Variants in COL5A2 observed in about 807,000 individuals in gnomAD.
The protein encoded by COL5A2 is collagen alpha-2(V) chain.
In COL5A2, 23 loss-of-function variants were observed where a neutral mutation model predicts 208.2. That is an observed-to-expected ratio of 0.11 (90% confidence interval 0.08 to 0.16). The LOEUF (loss-of-function observed/expected upper bound fraction) is 0.16, where lower values mean the gene tolerates loss of function less well. Ranked by LOEUF, COL5A2 falls within the 10% of genes least tolerant of loss-of-function variation. The pLI is 1.00. For synonymous variants in COL5A2, 625 were observed against 628.5 expected, an observed-to-expected ratio of 0.99 and a Z score of 0.08; for missense variants, 1,590 against 1,956.4, an observed-to-expected ratio of 0.81 and a Z score of 3.53.
In COL5A2 at chr2:189,173,316, T is replaced by C. The variant is rs16831167; in HGVS notation, c.97+6192A>G. Among the ~76,000 whole-genome samples the C allele has an allele frequency of 3.5e-3, 530 of 152,280 alleles. 3 individuals are homozygous for C. Among genetic ancestry groups the C allele is most frequent in the African/African-American group, 0.012 (495 of 41,566 alleles). ...GGCAAGATTTAGATAGGAATAATCT[T>C]GCTTTATTGTAATTTCCCTTATACA... On this transcript the variant is annotated intron_variant, in intron 1 of 53. Coordinates refer to ENST00000374866, the MANE Select transcript of COL5A2 (RefSeq NM_000393.5).
the COL5A2 span, among the ~76,000 whole-genome samples, chr2:189,298,047 G>A: frequency 1.3e-5 from 2 of 152,092 alleles, no homozygotes; most frequent in African/African-American, 4.8e-5. Context: ...TAAATATGAG[G>A]ACAGAATTTG....
At chr2:189,273,700 G>T in the COL5A2 span, among the ~76,000 whole-genome samples, 11 of 152,120 alleles carry the variant, frequency 7.2e-5, no homozygotes, top group Non-Finnish European at 1.3e-4. Context: ...CCTGTCATTT[G>T]CAACAATACA....
At chr2:189,212,547 G>T (rs968003435) in intron 1 of COL5A2, among the ~76,000 whole-genome samples, 2 of 151,622 alleles carry the variant, frequency 1.3e-5, no homozygotes, top group Admixed American at 1.3e-4. Context: ...GCTGAGGCAG[G>T]AGAATTGCTT....
intron 33 of COL5A2, 114 bp downstream of exon 33, chr2:189,058,315 G>T (rs1292226350): frequency 1.4e-5 from 12 of 874,030 alleles, no homozygotes; most frequent in Non-Finnish European, 2.3e-5. Context: ...AGAAGAAAAT[G>T]ATATAATCAA....
the COL5A2 span, among the ~76,000 whole-genome samples, chr2:189,339,248 G>A: frequency 6.6e-6 from 1 of 151,916 alleles, no homozygotes; most frequent in African/African-American, 2.4e-5. Context: ...CTACTCAGGA[G>A]GCTGAGGCAT....
the COL5A2 span, among the ~76,000 whole-genome samples, chr2:189,378,818 T>C: frequency 6.6e-6 from 1 of 152,156 alleles, no homozygotes; most frequent in African/African-American, 2.4e-5. Flanking sequence ...AAAATTCTCA[T>C]TGTAACTTTG....
the COL5A2 span, among the ~76,000 whole-genome samples, chr2:189,405,288 G>C: frequency 6.6e-6 from 1 of 151,618 alleles, no homozygotes; most frequent in African/African-American, 2.4e-5. Context: ...CTGGAGTGCA[G>C]TGGCACAATC....
the COL5A2 span, among the ~76,000 whole-genome samples, chr2:189,242,524 C>T: frequency 6.6e-6 from 1 of 152,126 alleles, no homozygotes; most frequent in Non-Finnish European, 1.5e-5. Flanking sequence ...TCACTGTACT[C>T]ACCCAAGTCA....
intron 1 of COL5A2, among the ~76,000 whole-genome samples, chr2:189,139,820 AC>A (rs1241380067): frequency 1.3e-5 from 2 of 152,142 alleles, no homozygotes; most frequent in Non-Finnish European, 2.9e-5. Flanking sequence ...CACGCCTGTA[AC>A]CCCAACACTT....
At chr2:189,395,089 A>G in the COL5A2 span, among the ~76,000 whole-genome samples, 1 of 152,206 alleles carries the variant, frequency 6.6e-6, no homozygotes, top group Non-Finnish European at 1.5e-5. Context: ...AAAACATTTC[A>G]GTCAATAAAA....
At chr2:189,233,032 T>C in the COL5A2 span, among the ~76,000 whole-genome samples, 37 of 151,770 alleles carry the variant, frequency 2.4e-4, no homozygotes, top group African/African-American at 8.9e-4. Context: ...GAATAAAATT[T>C]AAGAGAATAA....
the COL5A2 span, among the ~76,000 whole-genome samples, chr2:189,417,767 G>A: frequency 6.6e-6 from 1 of 151,694 alleles, no homozygotes; most frequent in Non-Finnish European, 1.5e-5. Flanking sequence ...GCAAGTGACA[G>A]GATTTCATTC....
intron 1 of COL5A2, among the ~76,000 whole-genome samples, chr2:189,166,557 T>C (rs1349814072): frequency 6.6e-6 from 1 of 152,162 alleles, no homozygotes; most frequent in Non-Finnish European, 1.5e-5. Context: ...CTGGCAAATT[T>C]CCATTTTGAT....
chr2:189,304,671 A>T, the COL5A2 span, among the ~76,000 whole-genome samples: 2 of 152,204 alleles, frequency 1.3e-5, no homozygotes, highest in African/African-American at 4.8e-5. Context: ...ACCTTCCACT[A>T]GGCCCTAACT....
At chr2:189,307,318 A>G in the COL5A2 span, among the ~76,000 whole-genome samples, 8 of 152,152 alleles carry the variant, frequency 5.3e-5, no homozygotes, top group Non-Finnish European at 8.8e-5. Flanking sequence ...CTTACTTGCT[A>G]TCAATTAATA....
intron 1 of COL5A2, among the ~76,000 whole-genome samples, chr2:189,138,089 C>A (rs1045379535): frequency 3.3e-5 from 5 of 152,120 alleles, no homozygotes; most frequent in African/African-American, 1.2e-4. Flanking sequence ...ATTCTCCTGC[C>A]TCAGCCTCCT....
chr2:189,164,250 G>T (rs1221319438), intron 1 of COL5A2, among the ~76,000 whole-genome samples: 3 of 152,120 alleles, frequency 2.0e-5, no homozygotes, highest in Admixed American at 6.6e-5. Flanking sequence ...GATGCGAGAT[G>T]AATAAAGAAA....
the COL5A2 span, among the ~76,000 whole-genome samples, chr2:189,360,799 GTGT>G: frequency 3.3e-5 from 5 of 151,940 alleles, no homozygotes; most frequent in East Asian, 7.8e-4. Context: ...GCCCCAGTCT[GTGT>G]TGTTCCCTTC....
At chr2:189,317,909 A>T in the COL5A2 span, among the ~76,000 whole-genome samples, 1 of 152,234 alleles carries the variant, frequency 6.6e-6, no homozygotes, top group South Asian at 2.1e-4. Context: ...TGACCAAAAT[A>T]TAGGAGCACT....
Sources: gnomAD v4.1 joint callset for allele counts (sites outside exome capture counted in the v4.1 genomes callset) on GRCh38, gnomAD v4.1.1 for gene constraint, MANE v1.5 for transcripts, NCBI Gene and HGNC (gene_info 2026-07-23, HGNC 2026-07-21) for gene names.